GSDMA: variants seen among roughly 807,000 people sequenced by gnomAD.
GSDMA encodes the protein gasdermin-A.
GSDMA carries 55 observed loss-of-function variants against 54.3 expected under a neutral mutation model. That is an observed-to-expected ratio of 1.01 (90% CI 0.82 to 1.27). GSDMA has a LOEUF of 1.27. Ranked by LOEUF, GSDMA falls within the 50% of genes most tolerant of loss-of-function variation. The probability of loss-of-function intolerance (pLI) is 0.00; values close to 1 mark genes in which losing one functional copy is unlikely to be tolerated. For synonymous variants in GSDMA, 211 were observed against 224.7 expected, an observed-to-expected ratio of 0.94 and a Z score of 0.54; for missense variants, 542 against 542.6, an observed-to-expected ratio of 1.00 and a Z score of 0.01.
At chr17:39,971,254 C>T (rs143269451) in intron 4 of GSDMA, among the ~76,000 whole-genome samples, 8 of 152,226 alleles carry the variant, frequency 5.3e-5, no homozygotes, top group African/African-American at 1.9e-4. Flanking sequence ...CTGCCCAGTT[C>T]CCTTCATGCA....
rs906116779 is a variant in GSDMA, at chr17:39,968,693, G to A, written c.393-1789G>A. Among the ~76,000 whole-genome samples the A allele has an allele frequency of 4.6e-5, 7 of 152,074 alleles. No homozygotes were observed. In the South Asian group the frequency reaches 1.2e-3, roughly 27 times the overall value. On this transcript the variant is annotated intron_variant, in intron 3 of 11. Transcript: ENST00000301659. Reference sequence around the variant, plus strand: ...CATGAGCAACGAAAACTGAGGACCCGAGCTGGGGAAGGGCAAGAGGAGTGA... The same window carrying A: ...CATGAGCAACGAAAACTGAGGACCCAAGCTGGGGAAGGGCAAGAGGAGTGA...
chr17:39,974,352 A>C lies in GSDMA; in HGVS notation c.831A>C (p.Val277=). The C allele has an allele frequency of 6.2e-7, 1 of 1,606,324 alleles. No individual in the cohort carries two copies. The highest frequency in any genetic ancestry group is 1.1e-5 in the South Asian group (1 of 89,472). ...AACAAGTGGAGAAGCTGAGCCGAGTAGGGCAAAGCTCCCTGCTCAGCTCCC... is the reference window on the plus strand; with the variant it reads ...AACAAGTGGAGAAGCTGAGCCGAGTCGGGCAAAGCTCCCTGCTCAGCTCCC... ...ETQQVEKLSR[V]GQSSLLSSLS... Residue 277 remains valine, a synonymous_variant, in exon 9 of 12, where the codon GTA becomes GTC. Transcript: ENST00000301659.
chr17:39,976,078 A>G, intron 11 of GSDMA, 81 bp downstream of exon 11: 2 of 1,001,882 alleles, frequency 2.0e-6, no homozygotes, highest in Non-Finnish European at 3.1e-6. Flanking sequence ...CTAAGGATGG[A>G]GCCATTCTGG....
chr17:39,973,608 T>TAC (rs1980060571), intron 7 of GSDMA, among the ~76,000 whole-genome samples: 1 of 151,566 alleles, frequency 6.6e-6, no homozygotes, highest in Non-Finnish European at 1.5e-5. Context: ...TATAACCTGC[T>TAC]ACACACACAT....
At chr17:39,970,681 ACACT>A in intron 4 of GSDMA, 34 bp downstream of exon 4, 2 of 1,023,294 alleles carry the variant, frequency 2.0e-6, no homozygotes, top group Admixed American at 3.8e-5. Context: ...ACACACACAC[ACACT>A]CTCACACTCA....
In GSDMA at chr17:39,971,611, G is replaced by C. The variant is rs772260746; in HGVS notation, c.646G>C (p.Asp216His). 3.1e-6 allele frequency: 5 copies of C among 1,613,380 alleles called. No homozygotes were observed. Among genetic ancestry groups the C allele is most frequent in the Non-Finnish European group, 3.4e-6 (4 of 1,179,322 alleles). The change falls in exon 5 of 12, where the codon GAT (aspartate) becomes CAT (histidine). Residue 216 changes from aspartate to histidine, a missense_variant. Asp to His is a moderately conservative substitution (Grantham distance 81, BLOSUM62 -1). Coordinates refer to ENST00000301659, the MANE Select transcript of GSDMA (RefSeq NM_178171.5). ...RVRQLMVKGK[D>H]EWDIPHICND... ...GAGACAGCTGATGGTCAAAGGCAAA[G>C]ATGAGTGGGGTGAGCAGAGACCCGC...
intron 11 of GSDMA, 68 bp downstream of exon 11, chr17:39,976,065 C>T (rs1015088912): frequency 9.8e-6 from 12 of 1,221,876 alleles, no homozygotes; most frequent in African/African-American, 6.0e-5. Flanking sequence ...ATGCAGATTT[C>T]GCCTAAGGAT....
At chr17:39,973,278 T>C (rs1474200643) in intron 7 of GSDMA, among the ~76,000 whole-genome samples, 2 of 146,188 alleles carry the variant, frequency 1.4e-5, no homozygotes, top group African/African-American at 5.1e-5. Context: ...TGGCCTTTTT[T>C]TTTTTTCTTG....
chr17:39,974,926 T>G lies in GSDMA; in HGVS notation c.933T>G (p.His311Gln), dbSNP rs1980133368. ...TTGAAGGGGCTCTAGACAAGGGACA[T>G]GAAGTGACCCTGGAGGCACTCCCAA... ...LALEGALDKG[H>Q]EVTLEALPKD... is the part of the protein sequence containing the mutation. The change falls in exon 10 of 12, where the codon CAT (histidine) becomes CAG (glutamine). Residue 311 changes from histidine to glutamine, a missense_variant. Transcript: ENST00000301659. 6.2e-7 allele frequency: 1 copy of G among 1,610,716 alleles called. No homozygotes were observed. The highest frequency in any genetic ancestry group is 8.5e-7 in the Non-Finnish European group (1 of 1,177,946).
chr17:39,975,158 T>C, intron 10 of GSDMA, 144 bp downstream of exon 10: 2 of 612,746 alleles, frequency 3.3e-6, no homozygotes, highest in Non-Finnish European at 5.8e-6. Flanking sequence ...TTTTATAAAT[T>C]GGTTTCATGG....
Position 39,972,181 on chromosome 17 carries a change from G to A in GSDMA, c.703+5G>A. 6.4e-7 allele frequency: 1 copy of A among 1,565,128 alleles called. No individual in the cohort carries two copies. The highest frequency in any genetic ancestry group is 8.7e-7 in the Non-Finnish European group (1 of 1,149,134). On this transcript the variant is annotated splice_donor_5th_base_variant and intron_variant, in intron 6 of 11. Coordinates refer to ENST00000301659, the MANE Select transcript of GSDMA (RefSeq NM_178171.5). ...TGCAAACCTTCCCTCCTGGAGGTAA[G>A]TGAAATTGCTTACGGGCTTCCCACA...
Position 39,977,292 on chromosome 17 carries a change from C to CTTTTTTTTTT in GSDMA, c.*242_*251dup. ...CTTAAATTTTCTTTACTTTTCTTTT[C>CTTTTTTTTTT]TTTTTTTTTTTTTTTTTGAGATGGA... is the stretch of plus-strand genomic sequence containing the variant. On this transcript the variant is annotated 3_prime_UTR_variant, in exon 12 of 12. Transcript: ENST00000301659. 1.7e-5 allele frequency: 1 copy of CTTTTTTTTTT among 59,826 alleles called. No individual in the cohort carries two copies. The highest frequency in any genetic ancestry group is 4.1e-5 in the Non-Finnish European group (1 of 24,582). The allele number at this position is 59,826 out of a possible 1,614,324, so 3.7% of individuals were successfully genotyped here. A position where few individuals can be genotyped will look rare whatever the true frequency, so the allele number is the denominator to read the frequency against.
chr17:39,972,711 C>G, intron 7 of GSDMA, 98 bp downstream of exon 7: 1 of 1,040,494 alleles, frequency 9.6e-7, no homozygotes, highest in South Asian at 1.4e-5. Context: ...AGGGAAATAG[C>G]AGAGCGAATC....
chr17:39,976,692 T>G, intron 11 of GSDMA, 124 bp from the exon 12 acceptor site: 2 of 1,286,208 alleles, frequency 1.6e-6, no homozygotes, highest in Non-Finnish European at 1.1e-6. Flanking sequence ...CCAGATGGGG[T>G]TGTAATGTAA....
chr17:39,968,461 C>T (rs767541559), intron 3 of GSDMA, among the ~76,000 whole-genome samples: 1 of 149,354 alleles, frequency 6.7e-6, no homozygotes, highest in Non-Finnish European at 1.5e-5. Flanking sequence ...AGTCCTCCTG[C>T]CTCAGCCTCC....
Position 39,966,284 on chromosome 17 carries a change from G to C in GSDMA, c.239G>C (p.Gly80Ala). ...PSDPTDTGNFGFKNMLDTRVE... is the reference protein window; with the variant it reads ...PSDPTDTGNFAFKNMLDTRVE... ...GACCCAACAGACACTGGGAATTTTG[G>C]CTTTAAGAATATGCTGGACACCCGA... Residue 80 changes from glycine (G) to alanine (A), a missense_variant, in exon 3 of 12, where the codon GGC (glycine) becomes GCC (alanine). Gly to Ala is a moderately conservative substitution (Grantham distance 60, BLOSUM62 0). Coordinates refer to ENST00000301659, the MANE Select transcript of GSDMA (RefSeq NM_178171.5). 1 of 1,613,898 alleles carries C rather than the reference G, an allele frequency of 6.2e-7. No homozygotes were observed. Among genetic ancestry groups the C allele is most frequent in the East Asian group, 2.2e-5 (1 of 44,876 alleles).
rs954893241 is a variant in GSDMA, at chr17:39,967,797, C to T, written c.392+1360C>T. Among the ~76,000 whole-genome samples the T allele has an allele frequency of 5.9e-5, 9 of 151,978 alleles. No homozygotes were observed. In the East Asian group the frequency reaches 7.7e-4, roughly 13 times the overall value. ...AAGCAATTCTCCTGCCTCAGCCTCA[C>T]GAGTAGCTGGGTTTACAGGTGCCCG... On this transcript the variant is annotated intron_variant, in intron 3 of 11. Transcript: ENST00000301659.
intron 3 of GSDMA, among the ~76,000 whole-genome samples, chr17:39,967,334 T>C (rs1224927356): frequency 6.6e-6 from 1 of 152,176 alleles, no homozygotes; most frequent in Non-Finnish European, 1.5e-5. Context: ...CATGGCAGCC[T>C]CTGTTTTGGG....
At chr17:39,966,236 C>G in intron 2 of GSDMA, 24 bp from the exon 3 acceptor site, 1 of 1,613,374 alleles carries the variant, frequency 6.2e-7, no homozygotes, top group Non-Finnish European at 8.5e-7. Flanking sequence ...CAGCCCAGCC[C>G]CTTTTGTCTT....
Sources: gnomAD v4.1 joint callset for allele counts (sites outside exome capture counted in the v4.1 genomes callset) on GRCh38, gnomAD v4.1.1 for gene constraint, MANE v1.5 for transcripts, NCBI Gene and HGNC (gene_info 2026-07-23, HGNC 2026-07-21) for gene names.